Variants in IQSEC1 observed in about 807,000 individuals in gnomAD.
The protein encoded by IQSEC1 is IQ motif and Sec7 domain ArfGEF 1, also known as IQ motif and SEC7 domain-containing protein 1.
A neutral mutation model predicts 91.0 loss-of-function variants in IQSEC1; 31 were observed. That is an observed-to-expected ratio of 0.34 (90% CI 0.26 to 0.46). The LOEUF is 0.46. IQSEC1 is among the 20% of genes least tolerant of loss of function. The probability of loss-of-function intolerance (pLI) is 1.00; values close to 1 mark genes in which losing one functional copy is unlikely to be tolerated. For missense variants in IQSEC1, 1,388 were observed against 1,575.6 expected (o/e 0.88, Z 2.02); for synonymous variants, 699 against 662.6 (o/e 1.05, Z -0.84).
At chr3:13,091,180 C>T (rs1211489772) in intron 2 of IQSEC1, among the ~76,000 whole-genome samples, 1 of 152,178 alleles carries the variant, frequency 6.6e-6, no homozygotes, top group Non-Finnish European at 1.5e-5. Flanking sequence ...TCCTGCACTC[C>T]CTACGCCATC....
At chr3:12,913,186 G>A (rs1056536240) in intron 9 of IQSEC1, among the ~76,000 whole-genome samples, 2 of 152,228 alleles carry the variant, frequency 1.3e-5, no homozygotes, top group Non-Finnish European at 2.9e-5. Flanking sequence ...GCACACAGGA[G>A]TGCTGCTGAC....
intron 1 of IQSEC1, among the ~76,000 whole-genome samples, chr3:13,209,639 C>T (rs1024548582): frequency 1.1e-4 from 16 of 152,232 alleles, no homozygotes; most frequent in African/African-American, 3.9e-4. Flanking sequence ...CCTCTCGGAC[C>T]ACACTGAAGG....
chr3:13,028,925 T>C lies in IQSEC1; in HGVS notation c.23+44067A>G, dbSNP rs1485320254. ...GAAGTCCTGATTCTGAGACCTGCGCTGGCCAAGGGATCCTCACAAGCCGTT... is the reference window on the plus strand; with the variant it reads ...GAAGTCCTGATTCTGAGACCTGCGCCGGCCAAGGGATCCTCACAAGCCGTT... On this transcript the variant is annotated intron_variant, in intron 1 of 13. Coordinates refer to ENST00000613206, the MANE Select transcript of IQSEC1 (RefSeq NM_001134382.3). 2.6e-5 allele frequency among the ~76,000 whole-genome samples: 4 copies of C among 152,196 alleles called. No homozygotes were observed. The East Asian group carries it at 5.8e-4, about 22-fold the overall frequency.
rs945984886 is a variant in IQSEC1, at chr3:12,900,659, C to T, written c.*324G>A. ...TTTCATATGCATGTACATTAGGGCACAGGGAGCTGAGAGCTGGAGTGGGGG... is the reference window on the plus strand; with the variant it reads ...TTTCATATGCATGTACATTAGGGCATAGGGAGCTGAGAGCTGGAGTGGGGG... On this transcript the variant is annotated 3_prime_UTR_variant, in exon 14 of 14. Transcript: ENST00000613206. The T allele has an allele frequency of 1.6e-5, 20 of 1,258,632 alleles. No individual in the cohort carries two copies. Among genetic ancestry groups the T allele is most frequent in the South Asian group, 2.0e-5 (1 of 49,392 alleles). 78.0% of individuals were successfully genotyped at this position (1,258,632 alleles called of 1,614,324 possible). A position where few individuals can be genotyped will look rare whatever the true frequency, so the allele number is the denominator to read the frequency against.
chr3:12,936,148 T>A lies in IQSEC1; in HGVS notation c.868A>T (p.Thr290Ser). Reference protein sequence around the residue: ...DEMTASYSDVTLYIDEEELSP... With the variant: ...DEMTASYSDVSLYIDEEELSP... ...AGCTCCTCCTCATCGATGTACAGGG[T>A]GACATCACTGTACGAGGCCGTCATC... The change falls in exon 3 of 14, where the codon ACC becomes TCC. Residue 290 changes from threonine (T) to serine (S), a missense_variant. This residue lies in a region of IQSEC1 where 1,059 missense variants were observed against 1,317.8 expected (regional missense o/e 0.80). Coordinates refer to ENST00000613206, the MANE Select transcript of IQSEC1 (RefSeq NM_001134382.3). 1 of 1,612,406 alleles carries A rather than the reference T, an allele frequency of 6.2e-7. No homozygotes were observed. The highest frequency in any genetic ancestry group is 1.7e-5 in the Admixed American group (1 of 60,016).
intron 2 of IQSEC1, among the ~76,000 whole-genome samples, chr3:13,160,611 G>A (rs192706503): frequency 6.4e-4 from 98 of 152,370 alleles, no homozygotes; most frequent in Admixed American, 1.3e-3. Context: ...TAAGGGGAGG[G>A]TGTTGCGGGG....
At chr3:13,086,660 G>A (rs1414483121) in intron 2 of IQSEC1, among the ~76,000 whole-genome samples, 3 of 152,150 alleles carry the variant, frequency 2.0e-5, no homozygotes, top group Non-Finnish European at 4.4e-5. Flanking sequence ...CCTTCCATGA[G>A]AGCCTCGTTC....
chr3:13,063,988 T>C (rs1705154390), intron 1 of IQSEC1, among the ~76,000 whole-genome samples: 1 of 143,580 alleles, frequency 7.0e-6, no homozygotes, highest in South Asian at 2.3e-4. Context: ...AATCGTAGAT[T>C]CATTTGCAGT....
chr3:12,963,586 C>A (rs1174222520), intron 1 of IQSEC1, among the ~76,000 whole-genome samples: 1 of 152,186 alleles, frequency 6.6e-6, no homozygotes, highest in Non-Finnish European at 1.5e-5. Flanking sequence ...GCTGCACATC[C>A]CCCACCCCCT....
Position 12,913,492 on chromosome 3 carries a change from G to A in IQSEC1, c.2252C>T (p.Pro751Leu), listed in dbSNP as rs1695762777. The A allele has an allele frequency of 1.2e-6, 2 of 1,608,580 alleles. No homozygotes were observed. Among genetic ancestry groups the A allele is most frequent in the African/African-American group, 1.3e-5 (1 of 74,878 alleles). ...CYCRLFEVPD[P>L]NKPQKLGLHQ... ...TAGTCCGAGTTTCTGGGGCTTGTTT[G>A]GGTCTGGAACCTCAAAGAGCCGGCA... Residue 751 changes from proline to leucine, a missense_variant, in exon 9 of 14, where the codon CCA (proline) becomes CTA (leucine). Physicochemically the swap from Pro to Leu is moderately conservative, Grantham distance 98. This residue lies in a region of IQSEC1 where 1,059 missense variants were observed against 1,317.8 expected (regional missense o/e 0.80). Coordinates refer to ENST00000613206, the MANE Select transcript of IQSEC1 (RefSeq NM_001134382.3).
intron 13 of IQSEC1, 72 bp from the exon 14 acceptor site, chr3:12,901,594 T>TTC: frequency 7.6e-7 from 1 of 1,308,444 alleles, no homozygotes; most frequent in Non-Finnish European, 1.1e-6. Context: ...TTTTTTTTTT[T>TTC]CAAATGTAAA....
At chr3:13,186,274 G>A (rs1693930616) in intron 1 of IQSEC1, among the ~76,000 whole-genome samples, 1 of 152,204 alleles carries the variant, frequency 6.6e-6, no homozygotes, top group Admixed American at 6.5e-5. Context: ...CCTCTGGGTG[G>A]AAGCTCTGTA....
chr3:12,921,676 C>T (rs1696642681), intron 5 of IQSEC1, among the ~76,000 whole-genome samples: 1 of 152,002 alleles, frequency 6.6e-6, no homozygotes, highest in Non-Finnish European at 1.5e-5. Context: ...GTGGTAGAGT[C>T]GGTGACTGAA....
chr3:13,280,005 C>T (rs1168243093), intron 1 of IQSEC1, among the ~76,000 whole-genome samples: 2 of 152,260 alleles, frequency 1.3e-5, no homozygotes, highest in Non-Finnish European at 2.9e-5. Context: ...ATGGAAGAAT[C>T]TGACCTGCAT....
chr3:12,903,386 G>A (rs559882220), intron 12 of IQSEC1, among the ~76,000 whole-genome samples: 2 of 152,362 alleles, frequency 1.3e-5, no homozygotes, highest in South Asian at 4.1e-4. Flanking sequence ...GCTGCCCGCA[G>A]GAGCTCAGTT....
chr3:13,015,555 C>T (rs780417354), intron 1 of IQSEC1: 374 of 985,268 alleles, frequency 3.8e-4, no homozygotes, highest in Middle Eastern at 5.2e-4. Flanking sequence ...GTCCCCTCCC[C>T]GGGCCAGGTG....
chr3:13,031,051 G>GT (rs575022001), intron 1 of IQSEC1, among the ~76,000 whole-genome samples: 1 of 152,272 alleles, frequency 6.6e-6, no homozygotes, highest in Non-Finnish European at 1.5e-5. Context: ...ATCATCTGCT[G>GT]TAAGTAGAAG....
intron 1 of IQSEC1, among the ~76,000 whole-genome samples, chr3:13,064,506 C>T (rs1157990410): frequency 1.3e-5 from 2 of 152,188 alleles, no homozygotes; most frequent in Non-Finnish European, 2.9e-5. Context: ...TAGTCACCTG[C>T]CTGGTCGTGT....
At chr3:13,060,791 C>T (rs976397491) in intron 1 of IQSEC1, among the ~76,000 whole-genome samples, 3 of 152,198 alleles carry the variant, frequency 2.0e-5, no homozygotes, top group Non-Finnish European at 2.9e-5. Flanking sequence ...TGAAGACAGG[C>T]ACCCTTGCTC....
Sources: gnomAD v4.1 joint callset for allele counts (sites outside exome capture counted in the v4.1 genomes callset) on GRCh38, gnomAD v4.1.1 for gene constraint, gnomAD v4.1.1 regional missense constraint, MANE v1.5 for transcripts, NCBI Gene and HGNC (gene_info 2026-07-23, HGNC 2026-07-21) for gene names.